PCCA: variants seen among roughly 807,000 people sequenced by gnomAD.
PCCA encodes propionyl-CoA carboxylase subunit alpha, also known as propionyl-CoA carboxylase alpha chain, mitochondrial.
PCCA carries 74 observed loss-of-function variants against 101.3 expected under a neutral mutation model. That is an observed-to-expected ratio of 0.73 (90% CI 0.61 to 0.89). PCCA has a LOEUF of 0.89. Among genes scored for constraint, PCCA ranks in the 40% least tolerant of loss-of-function variants. PCCA has a pLI of 0.00. For synonymous variants in PCCA, 294 were observed against 313.6 expected, an observed-to-expected ratio of 0.94 and a Z score of 0.66; for missense variants, 891 against 907.0, an observed-to-expected ratio of 0.98 and a Z score of 0.23.
chr13:100,486,075 A>G (rs1293560337), intron 21 of PCCA, among the ~76,000 whole-genome samples: 2 of 152,188 alleles, frequency 1.3e-5, no homozygotes, highest in African/African-American at 4.8e-5. Flanking sequence ...GTCGGAGCCC[A>G]TCGTAGTGTC....
chr13:100,272,728 G>A (rs2063380061), intron 11 of PCCA, among the ~76,000 whole-genome samples: 1 of 152,136 alleles, frequency 6.6e-6, no homozygotes, highest in South Asian at 2.1e-4. Flanking sequence ...GTTCACAAAG[G>A]ACCATGAAAG....
intron 19 of PCCA, among the ~76,000 whole-genome samples, chr13:100,423,926 C>T (rs2078982059): frequency 6.6e-6 from 1 of 152,198 alleles, no homozygotes; most frequent in African/African-American, 2.4e-5. Context: ...TGGGTAACCA[C>T]TGAGTAACAT....
chr13:100,469,047 A>C (rs1302202687), intron 21 of PCCA, among the ~76,000 whole-genome samples: 1 of 151,726 alleles, frequency 6.6e-6, no homozygotes, highest in Non-Finnish European at 1.5e-5. Flanking sequence ...CCCCGTCTCT[A>C]CTAAAAATAC....
chr13:100,302,573 T>G (rs937629687), intron 13 of PCCA, among the ~76,000 whole-genome samples: 1 of 152,166 alleles, frequency 6.6e-6, no homozygotes, highest in Non-Finnish European at 1.5e-5. Flanking sequence ...ACAAATATCT[T>G]TAGTATACCA....
At chr13:100,396,817 C>T (rs371554144) in intron 19 of PCCA, among the ~76,000 whole-genome samples, 1 of 152,124 alleles carries the variant, frequency 6.6e-6, no homozygotes. Context: ...AGGTCATCAT[C>T]GTGTCTTGGT....
At chr13:100,391,356 G>T (rs767400647) in intron 19 of PCCA, among the ~76,000 whole-genome samples, 83 of 152,230 alleles carry the variant, frequency 5.5e-4, no homozygotes, top group Non-Finnish European at 8.2e-4. Flanking sequence ...GATGGCTGCT[G>T]TGGGGGAAGA....
rs757995710 is a variant in PCCA, at chr13:100,209,372, C to G, written c.509C>G (p.Ala170Gly). 6.2e-7 allele frequency: 1 copy of G among 1,612,698 alleles called. No individual in the cohort carries two copies. Among genetic ancestry groups the G allele is most frequent in the African/African-American group, 1.3e-5 (1 of 75,004 alleles). ...DVVFIGPDTH[A>G]IQAMGDKIES... is the part of the protein sequence containing the mutation. ...GTTTTCATTGGACCTGACACACATGCTATTCAAGCCATGGGCGACAAGATT... is the reference window on the plus strand; with the variant it reads ...GTTTTCATTGGACCTGACACACATGGTATTCAAGCCATGGGCGACAAGATT... The change falls in exon 7 of 24, where the codon GCT becomes GGT. Residue 170 changes from alanine (A) to glycine (G), a missense_variant. Physicochemically the swap from Ala to Gly is moderately conservative, Grantham distance 60 (BLOSUM62 0). Coordinates refer to ENST00000376285, the MANE Select transcript of PCCA (RefSeq NM_000282.4).
intron 19 of PCCA, among the ~76,000 whole-genome samples, chr13:100,370,707 A>G (rs2075524162): frequency 6.6e-6 from 1 of 152,196 alleles, no homozygotes; most frequent in South Asian, 2.1e-4. Context: ...TTCATTTGAC[A>G]TCAGTATTAT....
intron 7 of PCCA, among the ~76,000 whole-genome samples, chr13:100,230,984 C>T (rs942832550): frequency 1.3e-5 from 2 of 152,176 alleles, no homozygotes; most frequent in African/African-American, 4.8e-5. Flanking sequence ...CCCAGCCTTC[C>T]CCTCGCCTCT....
chr13:100,237,935 CTTTCT>C (rs977643742), intron 8 of PCCA, among the ~76,000 whole-genome samples: 5 of 131,082 alleles, frequency 3.8e-5, no homozygotes, highest in African/African-American at 9.0e-5. Flanking sequence ...TTCTTTCTTT[CTTTCT>C]TTTTTTTTTT....
Position 100,102,764 on chromosome 13 carries a change from T to C in PCCA, c.106-119T>C, listed in dbSNP as rs550944158. On this transcript the variant is annotated intron_variant, in intron 1 of 23. Transcript: ENST00000376285. ...GTAATTATATTTATGGTATATTGCC[T>C]AGAACTACATTTATTGATCAGACAC... 1.7e-4 allele frequency: 121 copies of C among 716,050 alleles called. No homozygotes were observed. In the African/African-American group the frequency reaches 1.9e-3, roughly 11 times the overall value. The allele number at this position is 716,050 out of a possible 1,614,324, so 44.4% of individuals were successfully genotyped here.
chr13:100,377,729 T>C (rs1183907285), intron 19 of PCCA, among the ~76,000 whole-genome samples: 2 of 151,948 alleles, frequency 1.3e-5, no homozygotes. Flanking sequence ...CTCCTGACCT[T>C]GTGATCCACC....
intron 1 of PCCA, among the ~76,000 whole-genome samples, chr13:100,099,315 C>G (rs116149731): frequency 1.3e-4 from 16 of 124,506 alleles, no homozygotes; most frequent in African/African-American, 4.9e-4. Flanking sequence ...GCTATCTAAT[C>G]TTTTTTTTTT....
At chr13:100,328,558 A>G (rs932878111) in intron 16 of PCCA, among the ~76,000 whole-genome samples, 1 of 151,546 alleles carries the variant, frequency 6.6e-6, no homozygotes, top group East Asian at 1.9e-4. Context: ...TCTATGTACT[A>G]AGAATCCGTT....
Position 100,368,525 on chromosome 13 carries a change from A to T in PCCA, c.1697A>T (p.His566Leu), listed in dbSNP as rs750322137. The T allele has an allele frequency of 6.2e-7, 1 of 1,611,656 alleles. No individual in the cohort carries two copies. The change falls in exon 19 of 24, where the codon CAT becomes CTT. Residue 566 changes from histidine (H) to leucine (L), a missense_variant. His to Leu is a moderately conservative substitution (Grantham distance 99). Coordinates refer to ENST00000376285, the MANE Select transcript of PCCA (RefSeq NM_000282.4). ...AACTGGGAGCTCTCAGTAAAATTGC[A>T]TGATAAAGTTCATACCGTAGTAGCA... is the stretch of plus-strand genomic sequence containing the variant. ...IANWELSVKL[H>L]DKVHTVVASN...
intron 18 of PCCA, among the ~76,000 whole-genome samples, chr13:100,360,624 A>G (rs911840888): frequency 6.6e-6 from 1 of 152,224 alleles, no homozygotes; most frequent in Non-Finnish European, 1.5e-5. Context: ...ATACCACTAC[A>G]TACCTATTAG....
chr13:100,134,990 C>G (rs2050985942), intron 4 of PCCA, among the ~76,000 whole-genome samples: 1 of 151,506 alleles, frequency 6.6e-6, no homozygotes, highest in Admixed American at 6.6e-5. Context: ...GATCCTCCCA[C>G]CACAGCCTCC....
chr13:100,147,105 C>T (rs922819582), intron 4 of PCCA, among the ~76,000 whole-genome samples: 2 of 151,664 alleles, frequency 1.3e-5, no homozygotes, highest in Admixed American at 1.3e-4. Flanking sequence ...TGAAATAAAA[C>T]TCTGCACCTT....
intron 16 of PCCA, among the ~76,000 whole-genome samples, chr13:100,311,757 A>G (rs1479482204): frequency 6.6e-6 from 1 of 152,166 alleles, no homozygotes; most frequent in Non-Finnish European, 1.5e-5. Flanking sequence ...GTGACAGTGT[A>G]AGACTCTGTC....
Sources: allele counts gnomAD v4.1 joint callset (sites outside exome capture counted in the v4.1 genomes callset), GRCh38; gene constraint gnomAD v4.1.1; transcripts MANE v1.5; gene names NCBI Gene and HGNC (gene_info 2026-07-23, HGNC 2026-07-21).